PIEZO2: variants seen among roughly 807,000 people sequenced by gnomAD.
The protein encoded by PIEZO2 is piezo-type mechanosensitive ion channel component 2.
PIEZO2 carries 172 observed loss-of-function variants against 337.3 expected under a neutral mutation model. The observed-to-expected ratio is 0.51, with a 90% CI of 0.45 to 0.58. The LOEUF (loss-of-function observed/expected upper bound fraction) is 0.58, where lower values mean the gene tolerates loss of function less well. Among genes scored for constraint, PIEZO2 ranks in the 20% least tolerant of loss-of-function variants. The pLI is 0.00. For missense variants in PIEZO2, 3,028 were observed against 3,391.3 expected (o/e 0.89, Z 2.66); for synonymous variants, 1,251 against 1,228.5 (o/e 1.02, Z -0.38).
intron 11 of PIEZO2, among the ~76,000 whole-genome samples, chr18:10,798,663 G>A (rs901575980): frequency 6.6e-6 from 1 of 152,118 alleles, no homozygotes; most frequent in African/African-American, 2.4e-5. Flanking sequence ...GTATGTCTGG[G>A]TTGTCCGTGT....
At chr18:10,681,538 C>G (rs1466882083) in intron 51 of PIEZO2, 123 bp downstream of exon 51, 4 of 741,458 alleles carry the variant, frequency 5.4e-6, no homozygotes, top group Non-Finnish European at 9.2e-6. Context: ...CTCTATGTAA[C>G]TGATAAACCC....
Position 10,926,484 on chromosome 18 carries a change from G to A in PIEZO2, c.287-15256C>T, listed in dbSNP as rs544138416. 5.9e-5 allele frequency among the ~76,000 whole-genome samples: 9 copies of A among 152,258 alleles called. No homozygotes were observed. In the South Asian group the frequency reaches 1.7e-3, roughly 28 times the overall value. ...GGCAGATGAAACAGGCTTAAAATAG[G>A]AGCCTATGAAAATCTGGGCCCAATA... On this transcript the variant is annotated intron_variant, in intron 3 of 55. Coordinates refer to ENST00000674853, the MANE Select transcript of PIEZO2 (RefSeq NM_001378183.1).
intron 36 of PIEZO2, among the ~76,000 whole-genome samples, chr18:10,719,534 T>C (rs1328690763): frequency 2.0e-5 from 3 of 152,236 alleles, no homozygotes; most frequent in Non-Finnish European, 4.4e-5. Context: ...TCATTCATTT[T>C]TATGGCACAG....
intron 4 of PIEZO2, among the ~76,000 whole-genome samples, chr18:10,886,666 C>A (rs1475706554): frequency 6.6e-6 from 1 of 150,784 alleles, no homozygotes; most frequent in Non-Finnish European, 1.5e-5. Context: ...ATCTCTCTTT[C>A]TTTTTCTCAA....
At position 11,143,858 on chromosome 18, in the gene PIEZO2, G is replaced by C. The variant is rs2040739697; in HGVS notation, c.64+4667C>G. On this transcript the variant is annotated intron_variant, in intron 1 of 55. Transcript: ENST00000674853. This position sits in a 1 kb window ranked among gnomAD's most constrained non-coding sequence, Gnocchi z 4.9. ...TCATAAAGGTAAGGCAGCGCCTGCT[G>C]TGTGTCAGGCTTTATACAAGGTGTG... is the stretch of plus-strand genomic sequence containing the variant. Among the ~76,000 whole-genome samples the C allele has an allele frequency of 6.6e-6, 1 of 152,242 alleles. No individual in the cohort carries two copies. The highest frequency in any genetic ancestry group is 1.5e-5 in the Non-Finnish European group (1 of 68,046).
Position 10,727,798 on chromosome 18 carries a change from G to C in PIEZO2, c.5029+3609C>G, listed in dbSNP as rs566913752. The stretch of plus-strand genomic sequence containing the variant: ...CTGGCATAGCCTAGGAGCAGCTGCA[G>C]TTGTCCCTGAGGGACAGGCCCTAGA... On this transcript the variant is annotated intron_variant, in intron 36 of 55. Transcript: ENST00000674853. This position sits in a 1 kb window ranked among gnomAD's most constrained non-coding sequence, Gnocchi z 6.3. The C allele has an allele frequency of 5.9e-5, 9 of 152,414 alleles. No homozygotes were observed. The highest frequency in any genetic ancestry group is 2.2e-4 in the African/African-American group (9 of 41,558). The allele number at this position is 152,414 out of a possible 1,614,324, so 9.4% of individuals were successfully genotyped here.
intron 3 of PIEZO2, among the ~76,000 whole-genome samples, chr18:10,912,029 C>T (rs2030527815): frequency 6.6e-6 from 1 of 152,048 alleles, no homozygotes; most frequent in Non-Finnish European, 1.5e-5. Context: ...CTTTATCTTA[C>T]CAGTGTTGAC....
intron 23 of PIEZO2, 47 bp downstream of exon 23, chr18:10,762,453 T>G (rs1005653337): frequency 1.3e-6 from 2 of 1,523,774 alleles, no homozygotes; most frequent in African/African-American, 2.8e-5. Flanking sequence ...TCCTGAACTA[T>G]TATATAACGG....
Position 10,903,884 on chromosome 18 carries a change from C to A in PIEZO2, c.329+7302G>T, listed in dbSNP as rs1277170859. Among the ~76,000 whole-genome samples, 1 of 152,152 alleles carries A rather than the reference C, an allele frequency of 6.6e-6. No individual in the cohort carries two copies. Among genetic ancestry groups the A allele is most frequent in the Admixed American group, 6.5e-5 (1 of 15,276 alleles). ...TTTCACAGACAACTCCCATCCCTGT[C>A]CCCCAACTATGCAGCCAGGCCTTGC... On this transcript the variant is annotated intron_variant, in intron 4 of 55. Coordinates refer to ENST00000674853, the MANE Select transcript of PIEZO2 (RefSeq NM_001378183.1). The surrounding 1 kb of genome is among the most constrained non-coding windows in gnomAD (Gnocchi z 4.1).
chr18:10,748,318 C>G lies in PIEZO2; in HGVS notation c.4424+153G>C. 1.4e-6 allele frequency: 1 copy of G among 729,470 alleles called. No homozygotes were observed. The highest frequency in any genetic ancestry group is 2.2e-6 in the Non-Finnish European group (1 of 453,710). 45.2% of individuals were successfully genotyped at this position (729,470 alleles called of 1,614,324 possible). A position where few individuals can be genotyped will look rare whatever the true frequency, so the allele number is the denominator to read the frequency against. ...TCCTGTTACTATTCTATTTTACAGGCCTTGTGCTAAATTCTTCTTGGATTG... is the reference window on the plus strand; with the variant it reads ...TCCTGTTACTATTCTATTTTACAGGGCTTGTGCTAAATTCTTCTTGGATTG... On this transcript the variant is annotated intron_variant, in intron 30 of 55. Transcript: ENST00000674853. The surrounding 1 kb of genome is among the most constrained non-coding windows in gnomAD (Gnocchi z 5.1).
intron 2 of PIEZO2, among the ~76,000 whole-genome samples, chr18:11,026,913 A>G (rs2036562455): frequency 2.0e-5 from 3 of 152,226 alleles, no homozygotes; most frequent in African/African-American, 7.2e-5. Flanking sequence ...ACTGAACCAC[A>G]CAGGAAAAAG....
Position 10,715,780 on chromosome 18 carries a change from A to G in PIEZO2, c.5126T>C (p.Phe1709Ser), listed in dbSNP as rs1460301759. 1 of 1,533,346 alleles carries G rather than the reference A, an allele frequency of 6.5e-7. No individual in the cohort carries two copies. Among genetic ancestry groups the G allele is most frequent in the South Asian group, 1.2e-5 (1 of 83,490 alleles). 95.0% of individuals were successfully genotyped at this position (1,533,346 alleles called of 1,614,324 possible). A position where few individuals can be genotyped will look rare whatever the true frequency, so the allele number is the denominator to read the frequency against. Residue 1709 changes from phenylalanine to serine, a missense_variant, in exon 38 of 56, where the codon TTT (phenylalanine) becomes TCT (serine). Physicochemically the swap from Phe to Ser is radical, Grantham distance 155. Around this residue, in one of 5 missense-constraint regions of PIEZO2, gnomAD observed 1,925 missense variants for 2,051.9 expected, o/e 0.94. Transcript: ENST00000674853. ...IIKRIFNILKFTWVLFLATVD... is the reference protein window; with the variant it reads ...IIKRIFNILKSTWVLFLATVD... ...TGTTGCCAGAAATAGGACCCAGGTA[A>G]ATTTCAAAATATTAAATATCCTCTT... is the stretch of plus-strand genomic sequence containing the variant.
intron 3 of PIEZO2, among the ~76,000 whole-genome samples, chr18:10,974,380 G>C (rs1297105892): frequency 1.3e-5 from 2 of 152,200 alleles, no homozygotes; most frequent in African/African-American, 2.4e-5. Context: ...CAATGCATCT[G>C]AGGGGGCTAA....
At position 10,845,839 on chromosome 18, in the gene PIEZO2, T is replaced by C. The variant is rs778665291; in HGVS notation, c.917+9514A>G. On this transcript the variant is annotated intron_variant, in intron 7 of 55. Coordinates refer to ENST00000674853, the MANE Select transcript of PIEZO2 (RefSeq NM_001378183.1). Reference sequence around the variant, plus strand: ...CATCAAGGATAAAGGTCTTTTGGAGTTTCTCAAATAAATACATTTAAAGCC... The same window carrying C: ...CATCAAGGATAAAGGTCTTTTGGAGCTTCTCAAATAAATACATTTAAAGCC... Among the ~76,000 whole-genome samples the C allele has an allele frequency of 9.9e-5, 15 of 152,132 alleles. 1 individual carries two copies. The highest frequency in any genetic ancestry group is 1.5e-4 in the Non-Finnish European group (10 of 68,024).
intron 1 of PIEZO2, among the ~76,000 whole-genome samples, chr18:11,142,850 C>T (rs1232644190): frequency 2.0e-5 from 3 of 149,960 alleles, no homozygotes; most frequent in South Asian, 4.2e-4. Flanking sequence ...AGGCCAAGGT[C>T]GGGGGATCAC....
At chr18:10,858,449 TGAC>T (rs2041787187) in intron 5 of PIEZO2, among the ~76,000 whole-genome samples, 1 of 152,100 alleles carries the variant, frequency 6.6e-6, no homozygotes, top group East Asian at 1.9e-4. Flanking sequence ...TTCTCTAGGC[TGAC>T]AGACTTCATA....
At chr18:10,709,473 C>G (rs574310157) in intron 39 of PIEZO2, 1 of 152,404 alleles carries the variant, frequency 6.6e-6, no homozygotes, top group Non-Finnish European at 1.5e-5. Context: ...ACCCAGGGAA[C>G]AGAAACAGAT....
chr18:10,748,400 G>T lies in PIEZO2; in HGVS notation c.4424+71C>A. On this transcript the variant is annotated intron_variant, in intron 30 of 55. Transcript: ENST00000674853. The surrounding 1 kb of genome is among the most constrained non-coding windows in gnomAD (Gnocchi z 5.1). ...TGGGTTCTAGAAGCAAGCTCAGACA[G>T]AAATGATAGTGCAATATTATTTCAG... 7.0e-7 allele frequency: 1 copy of T among 1,430,768 alleles called. No individual in the cohort carries two copies. The highest frequency in any genetic ancestry group is 9.4e-7 in the Non-Finnish European group (1 of 1,059,968). 88.6% of individuals were successfully genotyped at this position (1,430,768 alleles called of 1,614,324 possible).
At chr18:10,871,898 G>A (rs1248509790) in intron 4 of PIEZO2, among the ~76,000 whole-genome samples, 2 of 152,128 alleles carry the variant, frequency 1.3e-5, no homozygotes, top group Admixed American at 1.3e-4. Context: ...CTTCTGTATT[G>A]TTCCAAGAAA....
Sources: allele counts gnomAD v4.1 joint callset (sites outside exome capture counted in the v4.1 genomes callset), GRCh38; gene constraint gnomAD v4.1.1; regional missense constraint gnomAD v4.1.1; non-coding constraint Gnocchi (gnomAD v3.1); transcripts MANE v1.5; gene names NCBI Gene and HGNC (gene_info 2026-07-23, HGNC 2026-07-21).